ARHGAP1: variants seen among roughly 807,000 people sequenced by gnomAD.
ARHGAP1 encodes the protein rho GTPase-activating protein 1.
ARHGAP1 carries 23 observed loss-of-function variants against 52.2 expected under a neutral mutation model. The observed-to-expected ratio is 0.44, with a 90% confidence interval of 0.32 to 0.62. The LOEUF is 0.62. ARHGAP1 is among the 20% of genes least tolerant of loss of function. The pLI is 0.05. For synonymous variants in ARHGAP1, 210 were observed against 228.4 expected (o/e 0.92, Z 0.73); for missense variants, 480 against 560.9 (o/e 0.86, Z 1.46).
rs1408251913 is a variant in ARHGAP1, at chr11:46,691,140, T to C, written c.230-2880A>G. Among the ~76,000 whole-genome samples the C allele has an allele frequency of 4.6e-5, 7 of 152,204 alleles. No individual in the cohort carries two copies. In the East Asian group the frequency reaches 5.8e-4, roughly 13 times the overall value. On this transcript the variant is annotated intron_variant, in intron 3 of 12. Transcript: ENST00000311956. ...TGCCTCAGCTTTCCAGTAGCTGGGA[T>C]TACAGTTGCGTACCATGGCACCTAC... is the stretch of plus-strand genomic sequence containing the variant.
Position 46,696,003 on chromosome 11 carries a change from C to T in ARHGAP1, c.105G>A (p.Ser35=), listed in dbSNP as rs755954057. Residue 35 remains serine (S), a synonymous_variant, in exon 2 of 13, where the codon TCG becomes TCA. Transcript: ENST00000311956. This position sits in a 1 kb window ranked among gnomAD's most constrained non-coding sequence, Gnocchi z 4.8. ...ACTTGGGGAAGTCAGGCATTTCATC[C>T]GAGGGCCAGTTCTTCTCATCGATGG... is the stretch of plus-strand genomic sequence containing the variant. ...LASIDEKNWP[S]DEMPDFPKSD... The T allele has an allele frequency of 3.0e-5, 48 of 1,614,044 alleles. No individual in the cohort carries two copies. The South Asian group carries it at 4.1e-4, about 14-fold the overall frequency.
chr11:46,698,317 C>CG (rs34654850), intron 1 of ARHGAP1, among the ~76,000 whole-genome samples: 8 of 152,094 alleles, frequency 5.3e-5, no homozygotes, highest in Non-Finnish European at 1.0e-4. Context: ...AAGGAGCAGC[C>CG]GGGGCCGGGC....
chr11:46,694,841 C>T (rs2064640483), intron 3 of ARHGAP1, among the ~76,000 whole-genome samples: 1 of 152,072 alleles, frequency 6.6e-6, no homozygotes, highest in African/African-American at 2.4e-5. Flanking sequence ...TTTCCAAGCC[C>T]AGCACCCCCA....
chr11:46,677,944 G>GGA lies in ARHGAP1; in HGVS notation c.*1092_*1093insTC. On this transcript the variant is annotated 3_prime_UTR_variant, in exon 13 of 13. Transcript: ENST00000311956. ...GGTGACAGAGCGAGACTCCATCTCA[G>GGA]AAAAAAAAAAAAAAAGGTGGCCCTA... 3 of 366,008 alleles carry GGA rather than the reference G, an allele frequency of 8.2e-6. No individual in the cohort carries two copies. Among genetic ancestry groups the GGA allele is most frequent in the Admixed American group, 7.1e-5 (2 of 28,068 alleles). 22.7% of individuals were successfully genotyped at this position (366,008 alleles called of 1,614,324 possible). A position where few individuals can be genotyped will look rare whatever the true frequency, so the allele number is the denominator to read the frequency against.
Position 46,678,656 on chromosome 11 carries a change from G to A in ARHGAP1, c.*381C>T. 4.6e-6 allele frequency: 1 copy of A among 219,078 alleles called. No homozygotes were observed. The highest frequency in any genetic ancestry group is 9.2e-6 in the Non-Finnish European group (1 of 108,698). The allele number at this position is 219,078 out of a possible 1,614,324, so 13.6% of individuals were successfully genotyped here. Reference sequence around the variant, plus strand: ...TGCTCATTCCCAGCAATCAAGAGGGGAGGACTGGCCCCTGCTACCAGCCCA... The same window carrying A: ...TGCTCATTCCCAGCAATCAAGAGGGAAGGACTGGCCCCTGCTACCAGCCCA... On this transcript the variant is annotated 3_prime_UTR_variant, in exon 13 of 13. Coordinates refer to ENST00000311956, the MANE Select transcript of ARHGAP1 (RefSeq NM_004308.5).
intron 4 of ARHGAP1, among the ~76,000 whole-genome samples, chr11:46,683,048 T>TG (rs985446270): frequency 6.7e-6 from 1 of 149,146 alleles, no homozygotes; most frequent in African/African-American, 2.5e-5. Flanking sequence ...TTTTTTTTTT[T>TG]TTTTTTTTTT....
Position 46,680,885 on chromosome 11 carries a change from AAGC to A in ARHGAP1, c.635+123_635+125del. 9.0e-7 allele frequency: 1 copy of A among 1,111,998 alleles called. No homozygotes were observed. Among genetic ancestry groups the A allele is most frequent in the African/African-American group, 1.6e-5 (1 of 64,210 alleles). 68.9% of individuals were successfully genotyped at this position (1,111,998 alleles called of 1,614,324 possible). On this transcript the variant is annotated intron_variant, in intron 7 of 12. Transcript: ENST00000311956. The surrounding 1 kb of genome is among the most constrained non-coding windows in gnomAD (Gnocchi z 5.9). The stretch of plus-strand genomic sequence containing the variant: ...TAACAACTCCGCTTTCCACAGCAGA[AAGC>A]AAAGACCTGGGAGAGGTCGGGACAC...
rs564406586 is a variant in ARHGAP1 at position 46,682,119 on chromosome 11, G to T, written c.381C>A (p.His127Gln). ...ESDYTLLYLH[H>Q]GLTSDNKPSL... ...AGGGCTTGTTGTCGCTGGTCAGGCC[G>T]TGGTGCAGATACAGAAGTGTGTAGT... Residue 127 changes from histidine (H) to glutamine (Q), a missense_variant, in exon 5 of 13, where the codon CAC (histidine) becomes CAA (glutamine). Coordinates refer to ENST00000311956, the MANE Select transcript of ARHGAP1 (RefSeq NM_004308.5). 2 of 1,614,192 alleles carry T rather than the reference G, an allele frequency of 1.2e-6. No individual in the cohort carries two copies. The highest frequency in any genetic ancestry group is 1.7e-6 in the Non-Finnish European group (2 of 1,180,020).
rs952591141 is a variant in ARHGAP1 at position 46,677,132 on chromosome 11, T to C, written c.*1905A>G. 1 of 152,602 alleles carries C rather than the reference T, an allele frequency of 6.6e-6. No individual in the cohort carries two copies. Among genetic ancestry groups the C allele is most frequent in the Admixed American group, 6.5e-5 (1 of 15,282 alleles). 9.5% of individuals were successfully genotyped at this position (152,602 alleles called of 1,614,324 possible). ...CAAAAAGTGCAAACGGTGAAATACA[T>C]GATTGGTGCCAAGGAAGTCATTAAG... is the stretch of plus-strand genomic sequence containing the variant. On this transcript the variant is annotated 3_prime_UTR_variant, in exon 13 of 13. Coordinates refer to ENST00000311956, the MANE Select transcript of ARHGAP1 (RefSeq NM_004308.5).
chr11:46,695,809 G>T, intron 2 of ARHGAP1, 54 bp from the exon 3 acceptor site: 14 of 1,556,854 alleles, frequency 9.0e-6, no homozygotes, highest in Non-Finnish European at 1.2e-5. Context: ...ACCATGCTCT[G>T]CCCCACAGGC....
At position 46,678,963 on chromosome 11, in the gene ARHGAP1, A is replaced by G; in HGVS notation, c.*74T>C. On this transcript the variant is annotated 3_prime_UTR_variant, in exon 13 of 13. Coordinates refer to ENST00000311956, the MANE Select transcript of ARHGAP1 (RefSeq NM_004308.5). ...CCAACATCTCTCTCCAGGGGGCTTC[A>G]TGGCCCCTGATGCCAGGAGGAAGAG... The G allele has an allele frequency of 1.3e-6, 2 of 1,506,026 alleles. No homozygotes were observed. Among genetic ancestry groups the G allele is most frequent in the Admixed American group, 3.8e-5 (2 of 52,496 alleles). 93.3% of individuals were successfully genotyped at this position (1,506,026 alleles called of 1,614,324 possible).
At position 46,680,246 on chromosome 11, in the gene ARHGAP1, T is replaced by C. The variant is rs2064514150; in HGVS notation, c.857A>G (p.Asn286Ser). 1.2e-6 allele frequency: 2 copies of C among 1,613,988 alleles called. No individual in the cohort carries two copies. Among genetic ancestry groups the C allele is most frequent in the African/African-American group, 1.3e-5 (1 of 74,896 alleles). Residue 286 changes from asparagine to serine, a missense_variant, in exon 10 of 13, where the codon AAC becomes AGC. Asn to Ser is a conservative substitution (Grantham distance 46, BLOSUM62 1). Transcript: ENST00000311956. This position sits in a 1 kb window ranked among gnomAD's most constrained non-coding sequence, Gnocchi z 5.9. ...TTEGIFRRSA[N>S]TQVVREVQQK... ...CTGCACTTCCCGGACCACTTGGGTG[T>C]TGGCCGACCTCCGGAAGATGCCCTC...
intron 3 of ARHGAP1, among the ~76,000 whole-genome samples, chr11:46,694,414 C>T (rs191377208): frequency 3.9e-5 from 6 of 152,112 alleles, no homozygotes; most frequent in South Asian, 2.1e-4. Context: ...ACAAGCACAG[C>T]GAGCCAGGAC....
At chr11:46,691,884 G>T (rs2064617773) in intron 3 of ARHGAP1, among the ~76,000 whole-genome samples, 1 of 152,168 alleles carries the variant, frequency 6.6e-6, no homozygotes, top group Non-Finnish European at 1.5e-5. Flanking sequence ...CACAGCACCT[G>T]GCCTCTGTGT....
rs1389807032 is a variant in ARHGAP1 at position 46,678,003 on chromosome 11, C to T, written c.*1034G>A. The T allele has an allele frequency of 2.8e-5, 12 of 432,910 alleles. No homozygotes were observed. The highest frequency in any genetic ancestry group is 4.6e-5 in the Non-Finnish European group (10 of 219,410). 26.8% of individuals were successfully genotyped at this position (432,910 alleles called of 1,614,324 possible). A position where few individuals can be genotyped will look rare whatever the true frequency, so the allele number is the denominator to read the frequency against. Reference sequence around the variant, plus strand: ...TAATCCCCTGGGGAAATTGCTAGAACCCACCTATCTGGACTGACCTATCAG... The same window carrying T: ...TAATCCCCTGGGGAAATTGCTAGAATCCACCTATCTGGACTGACCTATCAG... On this transcript the variant is annotated 3_prime_UTR_variant, in exon 13 of 13. Transcript: ENST00000311956.
chr11:46,693,610 A>G (rs1044263587), intron 3 of ARHGAP1, among the ~76,000 whole-genome samples: 1 of 151,766 alleles, frequency 6.6e-6, no homozygotes, highest in Non-Finnish European at 1.5e-5. Flanking sequence ...GGGTTTCACT[A>G]TGTTGCCCAG....
chr11:46,688,109 C>T lies in ARHGAP1; in HGVS notation c.317+64G>A, dbSNP rs73454010. ...ACAGGCAGGGAGGGACAGTAAAGAA[C>T]GTGGCATTAGGCTACAATGGGGATC... On this transcript the variant is annotated intron_variant, in intron 4 of 12. Coordinates refer to ENST00000311956, the MANE Select transcript of ARHGAP1 (RefSeq NM_004308.5). The T allele has an allele frequency of 5.7e-3, 8,561 of 1,502,768 alleles. 94 individuals are homozygous for T. The highest frequency in any genetic ancestry group is 0.033 in the African/African-American group (2,385 of 72,626). The allele number at this position is 1,502,768 out of a possible 1,614,324, so 93.1% of individuals were successfully genotyped here. A position where few individuals can be genotyped will look rare whatever the true frequency, so the allele number is the denominator to read the frequency against.
intron 2 of ARHGAP1, 92 bp from the exon 3 acceptor site, chr11:46,695,847 G>A (rs2064648864): frequency 1.3e-6 from 2 of 1,587,860 alleles, no homozygotes; most frequent in Non-Finnish European, 8.6e-7. Context: ...CCCCAGTAAG[G>A]CCCATGCTCC....
chr11:46,680,708 C>G lies in ARHGAP1; in HGVS notation c.675G>C (p.Ala225=). 1 of 1,580,068 alleles carries G rather than the reference C, an allele frequency of 6.3e-7. No homozygotes were observed. Among genetic ancestry groups the G allele is most frequent in the Non-Finnish European group, 8.6e-7 (1 of 1,162,876 alleles). ...GTGGGGGCATGGGCTTGGGGGCTGT[C>G]GCGGGGCTCTTCTGTGTGGATTTCA... ...DFLKSTQKSP[A]TAPKPMPPRP... Residue 225 remains alanine, a synonymous_variant, in exon 8 of 13, where the codon GCG becomes GCC. Coordinates refer to ENST00000311956, the MANE Select transcript of ARHGAP1 (RefSeq NM_004308.5). This position sits in a 1 kb window ranked among gnomAD's most constrained non-coding sequence, Gnocchi z 5.9.
Sources: gnomAD v4.1 joint callset for allele counts (sites outside exome capture counted in the v4.1 genomes callset) on GRCh38, gnomAD v4.1.1 for gene constraint, Gnocchi (gnomAD v3.1) non-coding constraint, MANE v1.5 for transcripts, NCBI Gene and HGNC (gene_info 2026-07-23, HGNC 2026-07-21) for gene names.